RPH3A: variants seen among roughly 807,000 people sequenced by gnomAD.
The protein encoded by RPH3A is rabphilin-3A.
A neutral mutation model predicts 102.2 loss-of-function variants in RPH3A; 48 were observed. The ratio of observed to expected loss-of-function variants is 0.47; its 90% CI spans 0.37 to 0.60. The LOEUF is 0.60. Ranked by LOEUF, RPH3A falls within the 20% of genes least tolerant of loss-of-function variation. The pLI is 0.00. For missense variants in RPH3A, 781 were observed against 910.1 expected (o/e 0.86, Z 1.83); for synonymous variants, 310 against 324.3 (o/e 0.96, Z 0.47).
chr12:112,598,939 G>A (rs1418336645), intron 1 of RPH3A, among the ~76,000 whole-genome samples: 2 of 152,170 alleles, frequency 1.3e-5, no homozygotes, highest in African/African-American at 2.4e-5. Flanking sequence ...ATTAATTGCA[G>A]ACTATGATTT....
In RPH3A at chr12:112,791,867, G is replaced by GGGGAGAGAGAGAGAGAGA. The variant is rs1555209147; in HGVS notation, c.-284_-283insGGAGAGAGAGAGAGAGAG. 5 of 48,484 alleles carry GGGGAGAGAGAGAGAGAGA rather than the reference G, an allele frequency of 1.0e-4. No individual in the cohort carries two copies. The highest frequency in any genetic ancestry group is 2.8e-4 in the Admixed American group (1 of 3,524). The allele number at this position is 48,484 out of a possible 1,614,324, so 3.0% of individuals were successfully genotyped here. A position where few individuals can be genotyped will look rare whatever the true frequency, so the allele number is the denominator to read the frequency against. ...CGCGGACTGGAAAGGAAGGGAGAAGGGAGAGAGAGAGAGAGAGAGAGAGAG... is the reference window on the plus strand; with the variant it reads ...CGCGGACTGGAAAGGAAGGGAGAAGGGGGAGAGAGAGAGAGAGAGAGAGAGAGAGAGAGAGAGAGAGAG... On this transcript the variant is annotated 5_prime_UTR_variant, in exon 1 of 22. Transcript: ENST00000389385.
intron 1 of RPH3A, among the ~76,000 whole-genome samples, chr12:112,669,299 C>T (rs1241916509): frequency 6.6e-6 from 1 of 152,172 alleles, no homozygotes; most frequent in Non-Finnish European, 1.5e-5. Context: ...TTTGATCATT[C>T]CATGTTGTAA....
chr12:112,849,314 G>T (rs2042282822), intron 5 of RPH3A, among the ~76,000 whole-genome samples: 1 of 152,092 alleles, frequency 6.6e-6, no homozygotes, highest in South Asian at 2.1e-4. Context: ...GTCACGGAGG[G>T]GATAGGTCTG....
intron 1 of RPH3A, among the ~76,000 whole-genome samples, chr12:112,678,267 AAG>A (rs1277694169): frequency 1.3e-5 from 1 of 78,350 alleles, no homozygotes; most frequent in African/African-American, 6.9e-5. Flanking sequence ...GAAAGAAAGA[AAG>A]AAAGAAAGAA....
At chr12:112,721,108 G>A (rs2040547392) in intron 1 of RPH3A, among the ~76,000 whole-genome samples, 1 of 152,212 alleles carries the variant, frequency 6.6e-6, no homozygotes, top group African/African-American at 2.4e-5. Context: ...TAAATGAAAT[G>A]ATGCATGTAA....
chr12:112,892,830 C>G (rs1190577691), intron 19 of RPH3A: 1 of 152,278 alleles, frequency 6.6e-6, no homozygotes, highest in Non-Finnish European at 1.5e-5. Flanking sequence ...CCCCCCACCT[C>G]CACTGCCTCT....
upstream of RPH3A, among the ~76,000 whole-genome samples, chr12:112,787,381 T>C (rs1159720608): frequency 6.6e-6 from 1 of 152,156 alleles, no homozygotes. Flanking sequence ...GATAAACTGT[T>C]CAGATTCACA....
chr12:112,740,051 T>C (rs781354020), intron 1 of RPH3A, among the ~76,000 whole-genome samples: 8 of 152,184 alleles, frequency 5.3e-5, no homozygotes, highest in Non-Finnish European at 1.0e-4. Context: ...ACCAATCCCC[T>C]GCATTAAATT....
At chr12:112,849,693 G>T (rs983782859) in intron 5 of RPH3A, among the ~76,000 whole-genome samples, 3 of 152,132 alleles carry the variant, frequency 2.0e-5, no homozygotes, top group African/African-American at 7.2e-5. Context: ...CCCAAAGCCT[G>T]GTACATAATA....
At chr12:112,687,375 T>C (rs904690967) in intron 1 of RPH3A, among the ~76,000 whole-genome samples, 1 of 152,102 alleles carries the variant, frequency 6.6e-6, no homozygotes, top group African/African-American at 2.4e-5. Context: ...GGGATGCATG[T>C]CCACTTCAAA....
chr12:112,724,288 C>T (rs1029397309), intron 1 of RPH3A, among the ~76,000 whole-genome samples: 3 of 152,068 alleles, frequency 2.0e-5, no homozygotes, highest in African/African-American at 7.2e-5. Flanking sequence ...TGCTTTTGAA[C>T]TTCTGAACTC....
At chr12:112,845,199 C>T (rs1374198511) in intron 4 of RPH3A, among the ~76,000 whole-genome samples, 1 of 152,146 alleles carries the variant, frequency 6.6e-6, no homozygotes, top group Non-Finnish European at 1.5e-5. Context: ...TGGGGACCAT[C>T]CTAGAGGCTG....
intron 1 of RPH3A, among the ~76,000 whole-genome samples, chr12:112,688,225 C>G (rs1368441309): frequency 6.6e-6 from 1 of 152,154 alleles, no homozygotes; most frequent in East Asian, 1.9e-4. Flanking sequence ...CACCATTAGT[C>G]CATGGGATTT....
rs2042567422 is a variant in RPH3A at position 112,864,104 on chromosome 12, T to C, written c.231-1310T>C. ...AGGAAGTACCAGGTTGCTAGTAGAG[T>C]GAATAAAATTGGTAGTCAGAGGAGG... is the stretch of plus-strand genomic sequence containing the variant. On this transcript the variant is annotated intron_variant, in intron 5 of 21. Transcript: ENST00000389385. Among the ~76,000 whole-genome samples, 3 of 151,990 alleles carry C rather than the reference T, an allele frequency of 2.0e-5. 1 individual carries two copies. In the South Asian group the frequency reaches 6.2e-4, roughly 32 times the overall value.
intron 10 of RPH3A, among the ~76,000 whole-genome samples, chr12:112,871,682 C>A (rs1260762823): frequency 2.0e-5 from 3 of 150,384 alleles, no homozygotes; most frequent in Non-Finnish European, 4.4e-5. Context: ...ACACAATATT[C>A]TATTGTGTAT....
At chr12:112,829,679 A>T (rs188504635) in intron 3 of RPH3A, among the ~76,000 whole-genome samples, 2 of 152,232 alleles carry the variant, frequency 1.3e-5, no homozygotes, top group Non-Finnish European at 2.9e-5. Flanking sequence ...ATGAAATAAC[A>T]TTATTGTTAT....
chr12:112,885,669 A>G (rs993407840), intron 16 of RPH3A, among the ~76,000 whole-genome samples: 20 of 152,230 alleles, frequency 1.3e-4, no homozygotes, highest in African/African-American at 4.6e-4. Flanking sequence ...ACAGGTATAC[A>G]GTGTGTAATA....
intron 2 of RPH3A, among the ~76,000 whole-genome samples, chr12:112,809,672 T>A (rs1406725487): frequency 6.6e-6 from 1 of 152,086 alleles, no homozygotes; most frequent in Non-Finnish European, 1.5e-5. Flanking sequence ...ATAACCAGCA[T>A]TTTCCAGACA....
At chr12:112,802,296 T>C (rs1315643328) in intron 2 of RPH3A, among the ~76,000 whole-genome samples, 1 of 152,210 alleles carries the variant, frequency 6.6e-6, no homozygotes, top group Non-Finnish European at 1.5e-5. Flanking sequence ...GTTCGAATCC[T>C]GCCTCTGCTA....
Sources: allele counts gnomAD v4.1 joint callset (sites outside exome capture counted in the v4.1 genomes callset), GRCh38; gene constraint gnomAD v4.1.1; transcripts MANE v1.5; gene names NCBI Gene and HGNC (gene_info 2026-07-23, HGNC 2026-07-21).